Variants in ZKSCAN1 observed in about 807,000 individuals in gnomAD.
ZKSCAN1 encodes the protein zinc finger protein with KRAB and SCAN domains 1.
ZKSCAN1 carries 14 observed loss-of-function variants against 51.6 expected under a neutral mutation model. The observed-to-expected ratio is 0.27, with a 90% CI of 0.18 to 0.42. ZKSCAN1 has a LOEUF of 0.42. ZKSCAN1 is among the 10% of genes least tolerant of loss of function. ZKSCAN1 has a pLI of 1.00. For missense variants in ZKSCAN1, 531 were observed against 710.0 expected, an observed-to-expected ratio of 0.75 and a Z score of 2.86; for synonymous variants, 263 against 261.5, an observed-to-expected ratio of 1.01 and a Z score of -0.06.
Position 100,038,663 on chromosome 7 carries a change from C to A in ZKSCAN1, c.*4466C>A. The A allele has an allele frequency of 1.0e-6, 1 of 985,432 alleles. No individual in the cohort carries two copies. The highest frequency in any genetic ancestry group is 1.2e-6 in the Non-Finnish European group (1 of 829,944). The allele number at this position is 985,432 out of a possible 1,614,324, so 61.0% of individuals were successfully genotyped here. On this transcript the variant is annotated 3_prime_UTR_variant, in exon 6 of 6. Coordinates refer to ENST00000324306, the MANE Select transcript of ZKSCAN1 (RefSeq NM_003439.4). ...TGACCAGGTTCTTTTAAACCGTAGT[C>A]ATGCTTTCCCACTAACTCTTAAATC...
At position 100,033,511 on chromosome 7, in the gene ZKSCAN1, A is replaced by G. The variant is rs775154246; in HGVS notation, c.1006A>G (p.Lys336Glu). The G allele has an allele frequency of 3.2e-5, 51 of 1,614,084 alleles. No homozygotes were observed. The highest frequency in any genetic ancestry group is 4.2e-5 in the Non-Finnish European group (50 of 1,180,002). ...EKRDSGPAIG[K>E]DKKTITGERG... The stretch of plus-strand genomic sequence containing the variant: ...AAGAGATTCAGGGCCAGCTATAGGA[A>G]AGGACAAAAAAACCATCACAGGAGA... The change falls in exon 6 of 6, where the codon AAG becomes GAG. Residue 336 changes from lysine (K) to glutamate (E), a missense_variant. Lys to Glu is a moderately conservative substitution (Grantham distance 56). Transcript: ENST00000324306. The surrounding 1 kb of genome is among the most constrained non-coding windows in gnomAD (Gnocchi z 4.1).
chr7:100,041,135 C>G lies in ZKSCAN1; in HGVS notation c.*6938C>G. The G allele has an allele frequency of 2.5e-6, 2 of 793,244 alleles. No individual in the cohort carries two copies. Among genetic ancestry groups the G allele is most frequent in the African/African-American group, 1.9e-5 (1 of 53,456 alleles). The allele number at this position is 793,244 out of a possible 1,614,324, so 49.1% of individuals were successfully genotyped here. A position where few individuals can be genotyped will look rare whatever the true frequency, so the allele number is the denominator to read the frequency against. Reference sequence around the variant, plus strand: ...AGGCATTGTCTTGTTTATTTGTAGACTGGATTAAAAACAACCTGTCCTGTT... The same window carrying G: ...AGGCATTGTCTTGTTTATTTGTAGAGTGGATTAAAAACAACCTGTCCTGTT... On this transcript the variant is annotated 3_prime_UTR_variant, in exon 6 of 6. Coordinates refer to ENST00000324306, the MANE Select transcript of ZKSCAN1 (RefSeq NM_003439.4).
intron 3 of ZKSCAN1, chr7:100,024,896 TTA>T (rs1790754084): frequency 4.9e-5 from 1 of 20,444 alleles, no homozygotes; most frequent in African/African-American, 2.2e-4. Context: ...CGAGACTGTC[TTA>T]AAAAAAAAAA....
rs747887291 is a variant in ZKSCAN1 at position 100,037,608 on chromosome 7, T to G, written c.*3411T>G. 234 of 985,328 alleles carry G rather than the reference T, an allele frequency of 2.4e-4. 1 individual carries two copies. The highest frequency in any genetic ancestry group is 5.2e-4 in the Middle Eastern group (1 of 1,936). The allele number at this position is 985,328 out of a possible 1,614,324, so 61.0% of individuals were successfully genotyped here. A position where few individuals can be genotyped will look rare whatever the true frequency, so the allele number is the denominator to read the frequency against. On this transcript the variant is annotated 3_prime_UTR_variant, in exon 6 of 6. Transcript: ENST00000324306. ...CGGAAAGCTTATACTGTAAATAAAC[T>G]TGATGAATATTATATGTGAGGAAAA...
chr7:100,028,812 A>T (rs1200346522), intron 3 of ZKSCAN1, among the ~76,000 whole-genome samples: 2 of 151,428 alleles, frequency 1.3e-5, no homozygotes, highest in East Asian at 1.9e-4. Flanking sequence ...AAAAAAAAAA[A>T]CAGTATTTAT....
Position 100,037,079 on chromosome 7 carries a change from A to T in ZKSCAN1, c.*2882A>T. The T allele has an allele frequency of 1.0e-6, 1 of 985,438 alleles. No homozygotes were observed. The highest frequency in any genetic ancestry group is 1.2e-6 in the Non-Finnish European group (1 of 829,936). 61.0% of individuals were successfully genotyped at this position (985,438 alleles called of 1,614,324 possible). ...GGAAAACAGGCTACAACTGTTTATT[A>T]AAACCACTTGCAGTGCATTCGTTTA... On this transcript the variant is annotated 3_prime_UTR_variant, in exon 6 of 6. Coordinates refer to ENST00000324306, the MANE Select transcript of ZKSCAN1 (RefSeq NM_003439.4).
At position 100,030,237 on chromosome 7, in the gene ZKSCAN1, G is replaced by A. The variant is rs760759702; in HGVS notation, c.673-12G>A. 10 of 1,612,342 alleles carry A rather than the reference G, an allele frequency of 6.2e-6. No homozygotes were observed. The highest frequency in any genetic ancestry group is 1.7e-4 in the Middle Eastern group (1 of 5,958). On this transcript the variant is annotated splice_polypyrimidine_tract_variant and intron_variant, in intron 4 of 5. Coordinates refer to ENST00000324306, the MANE Select transcript of ZKSCAN1 (RefSeq NM_003439.4). ...TTGGGGGGAAATGACTGTTTGTCTC[G>A]TGTTATTTTAGGCAATGGTGAAGAT... is the stretch of plus-strand genomic sequence containing the variant.
intron 1 of ZKSCAN1, among the ~76,000 whole-genome samples, chr7:100,020,569 T>C (rs1387838130): frequency 6.6e-6 from 1 of 152,110 alleles, no homozygotes; most frequent in African/African-American, 2.4e-5. Flanking sequence ...GGCAGGAGAA[T>C]TACTTGAACC....
At chr7:100,029,079 A>T (rs1226045532) in intron 3 of ZKSCAN1, among the ~76,000 whole-genome samples, 1 of 150,124 alleles carries the variant, frequency 6.7e-6, no homozygotes, top group Non-Finnish European at 1.5e-5. Context: ...CAGGAGAATC[A>T]CTTGAACCCG....
chr7:100,026,230 C>CAAAAAAAAAAA (rs58408632), intron 3 of ZKSCAN1, among the ~76,000 whole-genome samples: 1 of 47,308 alleles, frequency 2.1e-5, no homozygotes, highest in African/African-American at 9.3e-5. Flanking sequence ...AAACTCATCT[C>CAAAAAAAAAAA]AAAAAAAAAA....
chr7:100,041,513 T>C lies in ZKSCAN1; in HGVS notation c.*7316T>C. ...AATCATAAGAGAAAAGGCAGCATAA[T>C]GAAATGTGTACACATACATAGTCAG... On this transcript the variant is annotated 3_prime_UTR_variant, in exon 6 of 6. Coordinates refer to ENST00000324306, the MANE Select transcript of ZKSCAN1 (RefSeq NM_003439.4). 1 of 985,338 alleles carries C rather than the reference T, an allele frequency of 1.0e-6. No homozygotes were observed. The highest frequency in any genetic ancestry group is 1.2e-6 in the Non-Finnish European group (1 of 829,940). 61.0% of individuals were successfully genotyped at this position (985,338 alleles called of 1,614,324 possible). A position where few individuals can be genotyped will look rare whatever the true frequency, so the allele number is the denominator to read the frequency against.
rs960842602 is a variant in ZKSCAN1 at position 100,037,694 on chromosome 7, C to T, written c.*3497C>T. The T allele has an allele frequency of 3.0e-5, 30 of 985,314 alleles. No individual in the cohort carries two copies. The highest frequency in any genetic ancestry group is 1.2e-4 in the Admixed American group (2 of 16,260). 61.0% of individuals were successfully genotyped at this position (985,314 alleles called of 1,614,324 possible). On this transcript the variant is annotated 3_prime_UTR_variant, in exon 6 of 6. Coordinates refer to ENST00000324306, the MANE Select transcript of ZKSCAN1 (RefSeq NM_003439.4). ...ATGAATTCCGTCGGTATGTTCCAAT[C>T]GTGATGAATTTGAGAAACATTGCAA... is the stretch of plus-strand genomic sequence containing the variant.
In ZKSCAN1 at chr7:100,023,462, G is replaced by A. The variant is rs758985277; in HGVS notation, c.-45G>A. 2 of 1,558,656 alleles carry A rather than the reference G, an allele frequency of 1.3e-6. No individual in the cohort carries two copies. The highest frequency in any genetic ancestry group is 2.4e-5 in the South Asian group (2 of 81,896). On this transcript the variant is annotated 5_prime_UTR_variant, in exon 2 of 6. It adds an upstream start codon to the 5' untranslated region. Transcript: ENST00000324306. Reference sequence around the variant, plus strand: ...TCATAAAACCTCCCAGGACATAAAGGTGAGCACAGACCCTGTTTGGATCAA... The same window carrying A: ...TCATAAAACCTCCCAGGACATAAAGATGAGCACAGACCCTGTTTGGATCAA...
rs932960562 is a variant in ZKSCAN1, at chr7:100,034,857, C to T, written c.*660C>T. The T allele has an allele frequency of 2.0e-5, 3 of 152,756 alleles. No individual in the cohort carries two copies. Among genetic ancestry groups the T allele is most frequent in the African/African-American group, 7.2e-5 (3 of 41,446 alleles). The allele number at this position is 152,756 out of a possible 1,614,324, so 9.5% of individuals were successfully genotyped here. ...AGGACTGCAACAAATGTAGATGGTT[C>T]TGTCCTCATCCCTGAGATCAGTTCT... On this transcript the variant is annotated 3_prime_UTR_variant, in exon 6 of 6. Transcript: ENST00000324306.
Position 100,023,494 on chromosome 7 carries a change from TC to T in ZKSCAN1, c.-11del, listed in dbSNP as rs1554350674. 2 of 1,602,740 alleles carry T rather than the reference TC, an allele frequency of 1.2e-6. No homozygotes were observed. Among genetic ancestry groups the T allele is most frequent in the Non-Finnish European group, 1.7e-6 (2 of 1,175,048 alleles). On this transcript the variant is annotated 5_prime_UTR_variant, in exon 2 of 6. Transcript: ENST00000324306. ...CAGACCCTGTTTGGATCAAGTCAGTTCCTGGAGCCTGAATGATGACTGCTGA... is the reference window on the plus strand; with the variant it reads ...CAGACCCTGTTTGGATCAAGTCAGTTCTGGAGCCTGAATGATGACTGCTGA...
rs1791551572 is a variant in ZKSCAN1, at chr7:100,040,577, G to T, written c.*6380G>T. 2 of 985,412 alleles carry T rather than the reference G, an allele frequency of 2.0e-6. No individual in the cohort carries two copies. The highest frequency in any genetic ancestry group is 4.7e-5 in the South Asian group (1 of 21,290). 61.0% of individuals were successfully genotyped at this position (985,412 alleles called of 1,614,324 possible). On this transcript the variant is annotated 3_prime_UTR_variant, in exon 6 of 6. Coordinates refer to ENST00000324306, the MANE Select transcript of ZKSCAN1 (RefSeq NM_003439.4). ...TTTTAAGTTCCTTTGGTCCAGGGAA[G>T]GGTCCAAGCAGCCACAGTTGCCCTA...
chr7:100,044,730 G>T (rs1482026447), downstream of ZKSCAN1: 152 of 651,096 alleles, frequency 2.3e-4, no homozygotes, highest in Non-Finnish European at 2.7e-4. Flanking sequence ...TTTTTTTCAT[G>T]AAGTTTAACT....
At chr7:100,032,090 C>T (rs1791130642) in intron 5 of ZKSCAN1, among the ~76,000 whole-genome samples, 1 of 152,126 alleles carries the variant, frequency 6.6e-6, no homozygotes, top group South Asian at 2.1e-4. Context: ...AAAACAAAAA[C>T]AAAACAAAGT....
rs774959418 is a variant in ZKSCAN1 at position 100,023,669 on chromosome 7, T to C, written c.163T>C (p.Phe55Leu). The C allele has an allele frequency of 1.2e-6, 2 of 1,614,132 alleles. No individual in the cohort carries two copies. The highest frequency in any genetic ancestry group is 1.7e-4 in the Middle Eastern group (1 of 6,010). ...QDTPPPDPEI[F>L]RQRFRRFCYQ... Reference sequence around the variant, plus strand: ...CACGCCTCCTCCAGACCCAGAGATATTCCGCCAACGCTTCAGGCGCTTCTG... The same window carrying C: ...CACGCCTCCTCCAGACCCAGAGATACTCCGCCAACGCTTCAGGCGCTTCTG... Residue 55 changes from phenylalanine (F) to leucine (L), a missense_variant, in exon 2 of 6, where the codon TTC becomes CTC. Physicochemically the swap from Phe to Leu is conservative, Grantham distance 22. This residue lies in a region of ZKSCAN1 where 403 missense variants were observed against 490.5 expected (regional missense o/e 0.82). Transcript: ENST00000324306.
Sources: gnomAD v4.1 joint callset for allele counts (sites outside exome capture counted in the v4.1 genomes callset) on GRCh38, gnomAD v4.1.1 for gene constraint, gnomAD v4.1.1 regional missense constraint, Gnocchi (gnomAD v3.1) non-coding constraint, MANE v1.5 for transcripts, NCBI Gene and HGNC (gene_info 2026-07-23, HGNC 2026-07-21) for gene names.